SUMF1: variants seen among roughly 807,000 people sequenced by gnomAD.
SUMF1 encodes sulfatase modifying factor 1.
In SUMF1, 48 loss-of-function variants were observed where a neutral mutation model predicts 47.6. That is an observed-to-expected ratio of 1.01 (90% confidence interval 0.80 to 1.28). SUMF1 has a LOEUF of 1.28. Among genes scored for constraint, SUMF1 ranks in the 50% most tolerant of loss-of-function variants. The probability of loss-of-function intolerance (pLI) is 0.00; values close to 1 mark genes in which losing one functional copy is unlikely to be tolerated. For missense variants in SUMF1, 571 were observed against 485.4 expected (o/e 1.18, Z -1.66); for synonymous variants, 230 against 192.1 (o/e 1.20, Z -1.63).
intron 8 of SUMF1, among the ~76,000 whole-genome samples, chr3:4,161,073 A>G (rs144788454): frequency 4.5e-4 from 69 of 152,296 alleles, no homozygotes; most frequent in African/African-American, 1.5e-3. Context: ...TAATGCTCAG[A>G]TTCATAGAGA....
intron 8 of SUMF1, among the ~76,000 whole-genome samples, chr3:4,372,548 G>A (rs962720457): frequency 6.6e-6 from 1 of 152,080 alleles, no homozygotes; most frequent in Non-Finnish European, 1.5e-5. Flanking sequence ...TAATAAAGAT[G>A]ATGCTGATAG....
chr3:4,216,486 G>T (rs2629264), intron 8 of SUMF1, among the ~76,000 whole-genome samples: 91,924 of 151,894 alleles, frequency 0.61, 28,066 homozygotes, highest in South Asian at 0.69. Context: ...CATGGGCAAA[G>T]ACTTCATGAC....
intron 8 of SUMF1, among the ~76,000 whole-genome samples, chr3:4,131,551 T>C (rs7650250): frequency 0.012 from 1,842 of 152,224 alleles, 44 homozygotes; most frequent in African/African-American, 0.042. Flanking sequence ...GTGCACCTGG[T>C]TGTGCACTTT....
At chr3:4,335,960 CAAAAAA>C (rs770091674) in intron 8 of SUMF1, among the ~76,000 whole-genome samples, 1 of 73,908 alleles carries the variant, frequency 1.4e-5, no homozygotes, top group African/African-American at 7.1e-5. Flanking sequence ...GATTCCAACT[CAAAAAA>C]AAAAAAAAAA....
chr3:4,425,268 C>T (rs9872911), intron 3 of SUMF1, among the ~76,000 whole-genome samples: 97,594 of 151,940 alleles, frequency 0.64, 32,080 homozygotes, highest in East Asian at 0.98. Flanking sequence ...CAGGCCTCAG[C>T]TTACTCATCT....
intron 8 of SUMF1, among the ~76,000 whole-genome samples, chr3:4,295,067 A>G (rs894608602): frequency 2.6e-5 from 4 of 152,272 alleles, no homozygotes; most frequent in African/African-American, 9.6e-5. Context: ...AAATAATTAT[A>G]AATCATCAAC....
intron 8 of SUMF1, among the ~76,000 whole-genome samples, chr3:4,156,950 A>G (rs1694467371): frequency 6.6e-6 from 1 of 151,680 alleles, no homozygotes; most frequent in Non-Finnish European, 1.5e-5. Flanking sequence ...GCCATCATTA[A>G]AACATTTTCA....
At chr3:4,044,722 T>C (rs904711065) in intron 9 of SUMF1, among the ~76,000 whole-genome samples, 2 of 152,214 alleles carry the variant, frequency 1.3e-5, no homozygotes, top group African/African-American at 4.8e-5. Context: ...CTTATGCATA[T>C]TGGAAATTAT....
chr3:4,206,141 G>A (rs1695648423), intron 8 of SUMF1, among the ~76,000 whole-genome samples: 1 of 151,462 alleles, frequency 6.6e-6, no homozygotes, highest in Non-Finnish European at 1.5e-5. Context: ...CAAGGTGCAG[G>A]ACAAAGTCCT....
At chr3:4,389,357 A>G (rs1247625510) in intron 7 of SUMF1, among the ~76,000 whole-genome samples, 2 of 150,544 alleles carry the variant, frequency 1.3e-5, no homozygotes, top group African/African-American at 4.9e-5. Context: ...CCCTATAGGT[A>G]AGGTGTCATT....
At chr3:4,350,219 T>C (rs1699464945) in intron 8 of SUMF1, among the ~76,000 whole-genome samples, 3 of 151,964 alleles carry the variant, frequency 2.0e-5, no homozygotes, top group Admixed American at 2.0e-4. Context: ...GTATATAAAA[T>C]CACCATGTTG....
intron 8 of SUMF1, among the ~76,000 whole-genome samples, chr3:4,344,857 A>G (rs1340879881): frequency 6.6e-6 from 1 of 152,168 alleles, no homozygotes; most frequent in Non-Finnish European, 1.5e-5. Context: ...ATGGAGCTGA[A>G]AAACACAGCA....
chr3:4,467,230 G>A lies in SUMF1; in HGVS notation c.16C>T (p.Leu6=), dbSNP rs774160105. Reference sequence around the variant, plus strand: ...GGGCAACGTCCACACACCAGCCCTAGTGCGGGCGCAGCCATGTTGTCCCGC... The same window carrying A: ...GGGCAACGTCCACACACCAGCCCTAATGCGGGCGCAGCCATGTTGTCCCGC... The part of the protein sequence containing the change: MAAPA[L]GLVCGRCPEL... Residue 6 remains leucine, a synonymous_variant, in exon 1 of 9, where the codon CTA becomes TTA. Transcript: ENST00000272902. 9.3e-6 allele frequency: 15 copies of A among 1,610,412 alleles called. No homozygotes were observed. The Admixed American group carries it at 1.8e-4, about 20-fold the overall frequency.
chr3:4,195,511 A>G lies in SUMF1; in HGVS notation c.1015-126766T>C, dbSNP rs112740765. 3.9e-5 allele frequency among the ~76,000 whole-genome samples: 6 copies of G among 152,306 alleles called. 1 individual carries two copies. The highest frequency in any genetic ancestry group is 2.1e-4 in the South Asian group (1 of 4,828). ...AAAAAATCCAGACTTGCCGTTTAAC[A>G]AAAAGGAAACTGGCCTACATTTAAA... is the stretch of plus-strand genomic sequence containing the variant. On this transcript the variant is annotated intron_variant and NMD_transcript_variant, in intron 8 of 12. Transcript: ENST00000448413.
At chr3:4,056,504 T>A (rs1302886424) in intron 9 of SUMF1, among the ~76,000 whole-genome samples, 1 of 152,034 alleles carries the variant, frequency 6.6e-6, no homozygotes, top group African/African-American at 2.4e-5. Context: ...TGAGACTTCA[T>A]CTCTACAAAA....
Position 4,362,118 on chromosome 3 carries a change from G to T in SUMF1, c.*26C>A. 1 of 1,604,828 alleles carries T rather than the reference G, an allele frequency of 6.2e-7. No individual in the cohort carries two copies. Among genetic ancestry groups the T allele is most frequent in the Non-Finnish European group, 8.5e-7 (1 of 1,172,040 alleles). ...TGTAGGTCAGACACGACTGCTCCTT[G>T]GACTGGGGAAGACTTTCCTTGGTTG... On this transcript the variant is annotated 3_prime_UTR_variant, in exon 9 of 9. Transcript: ENST00000272902.
intron 8 of SUMF1, among the ~76,000 whole-genome samples, chr3:4,338,144 A>C (rs1442901282): frequency 1.3e-5 from 2 of 152,204 alleles, no homozygotes; most frequent in Non-Finnish European, 2.9e-5. Context: ...GCATCCCTAT[A>C]ATCCTCACTA....
chr3:4,217,513 T>TATATATATTATATA (rs200461780), intron 8 of SUMF1, among the ~76,000 whole-genome samples: 4 of 72,646 alleles, frequency 5.5e-5, no homozygotes, highest in Non-Finnish European at 9.8e-5. Context: ...TAAAGTATTT[T>TATATATATTATATA]TTATATATAT....
Position 4,074,733 on chromosome 3 carries a change from A to G in SUMF1, c.1015-5988T>C, listed in dbSNP as rs533894054. On this transcript the variant is annotated intron_variant and NMD_transcript_variant, in intron 8 of 12. Transcript: ENST00000448413. ...CACCTCTATGCAAATAAATTAGAAA[A>G]TCTAGAAGAAATTGATAAAGTCCTG... is the stretch of plus-strand genomic sequence containing the variant. 9.2e-4 allele frequency among the ~76,000 whole-genome samples: 140 copies of G among 152,222 alleles called. 1 individual carries two copies. Among genetic ancestry groups the G allele is most frequent in the African/African-American group, 3.3e-3 (137 of 41,512 alleles).
Sources: gnomAD v4.1 joint callset for allele counts (sites outside exome capture counted in the v4.1 genomes callset) on GRCh38, gnomAD v4.1.1 for gene constraint, MANE v1.5 for transcripts, NCBI Gene and HGNC (gene_info 2026-07-23, HGNC 2026-07-21) for gene names.